Variants in ADAMTSL1 observed in about 807,000 individuals in gnomAD.
ADAMTSL1 encodes ADAMTS-like protein 1.
A neutral mutation model predicts 201.8 loss-of-function variants in ADAMTSL1; 126 were observed. The observed-to-expected ratio is 0.62, with a 90% CI of 0.54 to 0.72. The LOEUF (loss-of-function observed/expected upper bound fraction) is 0.72, where lower values mean the gene tolerates loss of function less well. Ranked by LOEUF, ADAMTSL1 falls within the 30% of genes least tolerant of loss-of-function variation. The pLI, the probability that ADAMTSL1 is intolerant of heterozygous loss-of-function variation, is 0.00. For synonymous variants in ADAMTSL1, 1,121 were observed against 903.4 expected (o/e 1.24, Z -4.32); for missense variants, 2,679 against 2,277.8 (o/e 1.18, Z -3.59).
At chr9:18,793,385 T>C (rs976997506) in intron 19 of ADAMTSL1, 5 of 149,330 alleles carry the variant, frequency 3.3e-5, no homozygotes, top group African/African-American at 1.2e-4. Context: ...GAAATGCAAA[T>C]GTCATACAGC....
At chr9:18,025,820 T>C in intron 1 of ADAMTSL1, among the ~76,000 whole-genome samples, 1 of 152,134 alleles carries the variant, frequency 6.6e-6, no homozygotes, top group East Asian at 1.9e-4. Flanking sequence ...AGGAGTAGTG[T>C]TGAATCTATA....
intron 2 of ADAMTSL1, among the ~76,000 whole-genome samples, chr9:18,268,401 G>A (rs568090309): frequency 6.6e-6 from 1 of 152,214 alleles, no homozygotes; most frequent in Non-Finnish European, 1.5e-5. Flanking sequence ...AATCACAGCA[G>A]CTGCACAAAA....
At chr9:18,229,583 G>C (rs1396900464) in intron 2 of ADAMTSL1, among the ~76,000 whole-genome samples, 2 of 152,072 alleles carry the variant, frequency 1.3e-5, no homozygotes, top group Non-Finnish European at 1.5e-5. Flanking sequence ...GTATGTTATA[G>C]AAGGAATGTG....
chr9:18,221,016 C>A (rs1485650693), intron 2 of ADAMTSL1, among the ~76,000 whole-genome samples: 1 of 152,036 alleles, frequency 6.6e-6, no homozygotes, highest in Non-Finnish European at 1.5e-5. Context: ...CCTAAGAGAC[C>A]CACCCTCTTT....
intron 1 of ADAMTSL1, among the ~76,000 whole-genome samples, chr9:18,058,736 A>G (rs1451779521): frequency 6.6e-6 from 1 of 152,110 alleles, no homozygotes; most frequent in African/African-American, 2.4e-5. Flanking sequence ...ATATTAAAAC[A>G]TTTTGTCTGT....
At chr9:18,621,415 T>C (rs1428204623) in intron 4 of ADAMTSL1, among the ~76,000 whole-genome samples, 5 of 152,128 alleles carry the variant, frequency 3.3e-5, no homozygotes, top group African/African-American at 4.8e-5. Flanking sequence ...GCCTCAACTA[T>C]AGAATGGAGA....
At chr9:18,051,429 A>C (rs886876938) in intron 1 of ADAMTSL1, among the ~76,000 whole-genome samples, 15 of 152,264 alleles carry the variant, frequency 9.9e-5, no homozygotes, top group African/African-American at 3.6e-4. Flanking sequence ...AATACTTGGA[A>C]TATTTGTTGG....
chr9:18,219,938 G>T (rs886214507), intron 2 of ADAMTSL1, among the ~76,000 whole-genome samples: 1 of 151,638 alleles, frequency 6.6e-6, no homozygotes. Context: ...CTGTGTAAAC[G>T]TATCAGAAAA....
intron 11 of ADAMTSL1, chr9:18,681,092 A>T (rs1447845406): frequency 6.5e-6 from 1 of 152,716 alleles, no homozygotes. Flanking sequence ...CTGACTGCTA[A>T]TGCAGAAAGG....
intron 2 of ADAMTSL1, among the ~76,000 whole-genome samples, chr9:18,450,237 T>A (rs757092295): frequency 4.6e-5 from 7 of 152,180 alleles, no homozygotes; most frequent in Non-Finnish European, 8.8e-5. Context: ...GGGAATTTCA[T>A]GGAGCGATGG....
intron 2 of ADAMTSL1, among the ~76,000 whole-genome samples, chr9:18,364,992 T>G (rs761712501): frequency 2.0e-5 from 3 of 152,074 alleles, no homozygotes; most frequent in Non-Finnish European, 4.4e-5. Flanking sequence ...GGGATTACAA[T>G]TTGACATGAG....
intron 23 of ADAMTSL1, among the ~76,000 whole-genome samples, chr9:18,839,817 G>C (rs920565444): frequency 4.0e-5 from 6 of 151,420 alleles, no homozygotes; most frequent in Non-Finnish European, 8.8e-5. Flanking sequence ...GTGTTTTTTG[G>C]CTGCATAAAT....
chr9:18,480,801 T>C (rs186677389), intron 1 of ADAMTSL1, among the ~76,000 whole-genome samples: 68 of 152,262 alleles, frequency 4.5e-4, no homozygotes, highest in African/African-American at 1.6e-3. Context: ...TGATAAGTAG[T>C]TGGGGGTATG....
intron 2 of ADAMTSL1, among the ~76,000 whole-genome samples, chr9:18,415,724 T>G (rs1295040149): frequency 6.6e-6 from 1 of 151,698 alleles, no homozygotes; most frequent in African/African-American, 2.4e-5. Context: ...ACAAAAAACA[T>G]GAAGGAAGCT....
chr9:18,714,273 GACACAAAAAACCCTTCA>G (rs1393924738), intron 14 of ADAMTSL1, among the ~76,000 whole-genome samples: 4 of 150,790 alleles, frequency 2.7e-5, no homozygotes, highest in African/African-American at 9.7e-5. Flanking sequence ...AGGAAATAGA[GACACAAAAAACCCTTCA>G]AAAAATTAAT....
intron 10 of ADAMTSL1, among the ~76,000 whole-genome samples, chr9:18,677,955 C>T (rs977140913): frequency 6.6e-6 from 1 of 151,984 alleles, no homozygotes; most frequent in Non-Finnish European, 1.5e-5. Context: ...AAATGGTTCT[C>T]AAATGGCAGC....
At chr9:18,875,080 T>C (rs1486276514) in intron 23 of ADAMTSL1, among the ~76,000 whole-genome samples, 1 of 152,146 alleles carries the variant, frequency 6.6e-6, no homozygotes, top group East Asian at 1.9e-4. Flanking sequence ...CCTTGAATGA[T>C]CTTTTGTATT....
At position 18,575,724 on chromosome 9, in the gene ADAMTSL1, G is replaced by GA. The variant is rs1439522090; in HGVS notation, c.474+1464dup. ...CAAGGAAGATTTCCATTTTAGAAGT[G>GA]AAAAAACTGAGGACCAGAAAATATG... On this transcript the variant is annotated intron_variant, in intron 4 of 28. Coordinates refer to ENST00000380548, the MANE Select transcript of ADAMTSL1 (RefSeq NM_001040272.6). Among the ~76,000 whole-genome samples the GA allele has an allele frequency of 4.6e-5, 7 of 152,116 alleles. 1 individual carries two copies. Among genetic ancestry groups the GA allele is most frequent in the Admixed American group, 4.6e-4 (7 of 15,264 alleles).
intron 1 of ADAMTSL1, among the ~76,000 whole-genome samples, chr9:18,107,198 T>A (rs1397352601): frequency 6.6e-6 from 1 of 152,212 alleles, no homozygotes; most frequent in Non-Finnish European, 1.5e-5. Flanking sequence ...CTCTTGTGAT[T>A]TGGAGATAGA....
Sources: allele counts gnomAD v4.1 joint callset (sites outside exome capture counted in the v4.1 genomes callset), GRCh38; gene constraint gnomAD v4.1.1; transcripts MANE v1.5; gene names NCBI Gene and HGNC (gene_info 2026-07-23, HGNC 2026-07-21).